CAST: variants seen among roughly 807,000 people sequenced by gnomAD.
CAST encodes the protein MIR583 host.
Under a neutral mutation model 119.6 loss-of-function variants are expected in CAST, and 76 were observed. That is an observed-to-expected ratio of 0.64 (90% CI 0.53 to 0.77). The LOEUF (loss-of-function observed/expected upper bound fraction) is 0.77. Among genes scored for constraint, CAST ranks in the 30% least tolerant of loss-of-function variants. The pLI is 0.00. For missense variants in CAST, 953 were observed against 946.5 expected, an observed-to-expected ratio of 1.01 and a Z score of -0.09; for synonymous variants, 319 against 331.6, an observed-to-expected ratio of 0.96 and a Z score of 0.41.
chr5:96,592,721 G>T (rs1228929149), intron 1 of CAST, among the ~76,000 whole-genome samples: 1 of 150,392 alleles, frequency 6.6e-6, no homozygotes, highest in Non-Finnish European at 1.5e-5. Context: ...TTCCTGGATT[G>T]TTTAAATTCC....
chr5:96,216,955 G>A, the CAST span, among the ~76,000 whole-genome samples: 1 of 152,262 alleles, frequency 6.6e-6, no homozygotes. Context: ...TGTTGCAGAA[G>A]TATTTTATAA....
intron 1 of CAST, chr5:96,663,251 C>T (rs1032931972): frequency 3.3e-5 from 23 of 701,370 alleles, no homozygotes; most frequent in Non-Finnish European, 5.5e-5. Flanking sequence ...TCTGGGCGTG[C>T]GGATGAAGCG....
the CAST span, among the ~76,000 whole-genome samples, chr5:96,332,811 C>T: frequency 6.6e-6 from 1 of 152,190 alleles, no homozygotes; most frequent in Non-Finnish European, 1.5e-5. Context: ...CCCATTGAGG[C>T]TTGAGTTTGC....
At chr5:96,520,144 T>G in the CAST span, among the ~76,000 whole-genome samples, 1 of 152,242 alleles carries the variant, frequency 6.6e-6, no homozygotes, top group African/African-American at 2.4e-5. Flanking sequence ...TTCCCTTTTT[T>G]GCCTGAGTTT....
chr5:96,074,970 T>A, the CAST span, among the ~76,000 whole-genome samples: 2 of 152,188 alleles, frequency 1.3e-5, no homozygotes, highest in Admixed American at 1.3e-4. Flanking sequence ...CCAGGATACC[T>A]TTTTCTTTAG....
chr5:95,989,428 G>A, the CAST span, among the ~76,000 whole-genome samples: 2 of 152,140 alleles, frequency 1.3e-5, no homozygotes, highest in Non-Finnish European at 2.9e-5. Flanking sequence ...AGAAAGTGCT[G>A]TCATTTATTT....
rs144142589 is a variant in CAST at position 96,670,445 on chromosome 5, A to G, written c.76-5094A>G. ...TTTCACAGCTGGACTTAATGCTGGC[A>G]AGGGCTGCTTTTCTGTCTTCTTGCT... On this transcript the variant is annotated intron_variant, in intron 1 of 31. Coordinates refer to ENST00000675179, the MANE Select transcript of CAST (RefSeq NM_001750.7). 2.1e-3 allele frequency among the ~76,000 whole-genome samples: 314 copies of G among 152,312 alleles called. 5 individuals are homozygous for G. Among genetic ancestry groups the G allele is most frequent in the African/African-American group, 7.1e-3 (294 of 41,554 alleles).
At chr5:96,447,952 A>G in the CAST span, among the ~76,000 whole-genome samples, 1 of 151,984 alleles carries the variant, frequency 6.6e-6, no homozygotes, top group Admixed American at 6.6e-5. Context: ...TCTGTCCTAC[A>G]TCAGTGATTT....
the CAST span, chr5:96,391,328 C>A: frequency 1.3e-5 from 2 of 152,264 alleles, no homozygotes; most frequent in Non-Finnish European, 2.9e-5. Flanking sequence ...CAGTTCAATG[C>A]CATGAATTAC....
At chr5:96,308,777 C>CT in the CAST span, 2 of 152,906 alleles carry the variant, frequency 1.3e-5, no homozygotes, top group African/African-American at 4.8e-5. Context: ...CTGGGTATCA[C>CT]TAGCGGACGC....
chr5:96,439,641 C>T, the CAST span, among the ~76,000 whole-genome samples: 23 of 152,158 alleles, frequency 1.5e-4, no homozygotes, highest in African/African-American at 5.6e-4. Flanking sequence ...AGACATCAGG[C>T]ACAGTTAAAG....
chr5:96,113,421 A>G, the CAST span, among the ~76,000 whole-genome samples: 10 of 152,284 alleles, frequency 6.6e-5, no homozygotes, highest in Non-Finnish European at 1.2e-4. Context: ...TTGCAAAGCC[A>G]GGAATGAGTC....
the CAST span, among the ~76,000 whole-genome samples, chr5:96,358,380 AT>A: frequency 6.6e-6 from 1 of 151,672 alleles, no homozygotes; most frequent in African/African-American, 2.4e-5. Context: ...TAGCTTTTGA[AT>A]TTGCTGGTTC....
the CAST span, among the ~76,000 whole-genome samples, chr5:96,306,382 C>CT: frequency 2.1e-3 from 317 of 152,070 alleles, 1 homozygote; most frequent in African/African-American, 7.3e-3. Context: ...TTTTGTTAAT[C>CT]TTTTCAAAAA....
the CAST span, chr5:95,961,717 G>A: frequency 1.1e-5 from 17 of 1,602,100 alleles, no homozygotes; most frequent in Admixed American, 8.5e-5. Context: ...CCCCCCCGCC[G>A]CCATCTTAAA....
chr5:96,073,232 C>A, the CAST span, among the ~76,000 whole-genome samples: 54 of 152,032 alleles, frequency 3.6e-4, no homozygotes, highest in Admixed American at 3.5e-3. Context: ...TGTGTACAGA[C>A]TTATGTGGTG....
the CAST span, among the ~76,000 whole-genome samples, chr5:96,177,967 C>T: frequency 6.6e-6 from 1 of 152,180 alleles, no homozygotes; most frequent in Non-Finnish European, 1.5e-5. Context: ...ACTCAATTGA[C>T]ATAAAATATA....
the CAST span, among the ~76,000 whole-genome samples, chr5:96,313,955 C>T: frequency 5.9e-5 from 9 of 152,124 alleles, no homozygotes; most frequent in African/African-American, 2.2e-4. Flanking sequence ...TGAGTCTTGG[C>T]TCTTCACCAT....
At chr5:96,459,195 C>A in the CAST span, among the ~76,000 whole-genome samples, 1 of 152,150 alleles carries the variant, frequency 6.6e-6, no homozygotes. Context: ...TCAGTTCTTT[C>A]TCCTTAACAG....
Sources: allele counts gnomAD v4.1 joint callset (sites outside exome capture counted in the v4.1 genomes callset), GRCh38; gene constraint gnomAD v4.1.1; transcripts MANE v1.5; gene names NCBI Gene and HGNC (gene_info 2026-07-23, HGNC 2026-07-21).